TTYH3: variants seen among roughly 807,000 people sequenced by gnomAD.
TTYH3 encodes protein tweety homolog 3.
Under a neutral mutation model 68.2 loss-of-function variants are expected in TTYH3, and 23 were observed. That is an observed-to-expected ratio of 0.34 (90% CI 0.24 to 0.48). TTYH3 has a LOEUF of 0.48. Ranked by LOEUF, TTYH3 falls within the 20% of genes least tolerant of loss-of-function variation. The probability of loss-of-function intolerance (pLI) is 0.99; values close to 1 mark genes in which losing one functional copy is unlikely to be tolerated. For missense variants in TTYH3, 768 were observed against 727.7 expected, an observed-to-expected ratio of 1.06 and a Z score of -0.64; for synonymous variants, 360 against 332.8, an observed-to-expected ratio of 1.08 and a Z score of -0.89.
At chr7:2,643,873 C>G (rs1171699861) in intron 1 of TTYH3, among the ~76,000 whole-genome samples, 1 of 152,202 alleles carries the variant, frequency 6.6e-6, no homozygotes. Context: ...TCCCCAGCTC[C>G]TCACCCCAGG....
chr7:2,657,635 G>A (rs189986554), intron 11 of TTYH3, among the ~76,000 whole-genome samples: 5 of 152,284 alleles, frequency 3.3e-5, no homozygotes, highest in African/African-American at 7.2e-5. Context: ...TAACCACCCT[G>A]GGCCTCAATT....
At chr7:2,654,738 A>G (rs1212953065) in intron 9 of TTYH3, among the ~76,000 whole-genome samples, 1 of 152,078 alleles carries the variant, frequency 6.6e-6, no homozygotes, top group Non-Finnish European at 1.5e-5. Context: ...TCACAGGACC[A>G]TCCCTCTGTG....
intron 1 of TTYH3, among the ~76,000 whole-genome samples, chr7:2,641,797 C>T (rs1052573499): frequency 1.3e-5 from 2 of 152,108 alleles, no homozygotes; most frequent in South Asian, 4.1e-4. Flanking sequence ...AGGCTGGCCA[C>T]GGCACGCTCC....
chr7:2,651,505 C>T (rs1036223840), intron 7 of TTYH3, among the ~76,000 whole-genome samples: 2 of 152,188 alleles, frequency 1.3e-5, no homozygotes, highest in African/African-American at 4.8e-5. Context: ...TCATCCTGGT[C>T]CCTCCAGGTC....
intron 9 of TTYH3, 126 bp from the exon 10 acceptor site, chr7:2,655,966 T>C (rs935148954): frequency 4.3e-5 from 31 of 714,654 alleles, no homozygotes; most frequent in Non-Finnish European, 5.7e-5. Flanking sequence ...GACCCCAGGG[T>C]GGGGGGTATC....
intron 1 of TTYH3, among the ~76,000 whole-genome samples, chr7:2,643,772 C>G (rs1785913956): frequency 6.6e-6 from 1 of 152,082 alleles, no homozygotes; most frequent in African/African-American, 2.4e-5. Flanking sequence ...ATGCCCCGAG[C>G]TCTGGGTGGA....
intron 7 of TTYH3, 119 bp from the exon 8 acceptor site, chr7:2,652,068 C>A: frequency 2.5e-6 from 2 of 815,432 alleles, no homozygotes; most frequent in Non-Finnish European, 2.1e-6. Context: ...GACACACATG[C>A]ACACATGTAA....
intron 3 of TTYH3, 70 bp downstream of exon 3, chr7:2,647,323 G>A: frequency 6.6e-7 from 1 of 1,519,552 alleles, no homozygotes; most frequent in Non-Finnish European, 8.8e-7. Flanking sequence ...CGCGAGGACG[G>A]GCGGGGCAGC....
intron 7 of TTYH3, among the ~76,000 whole-genome samples, chr7:2,651,138 C>T (rs959113471): frequency 1.3e-5 from 2 of 151,996 alleles, no homozygotes; most frequent in Non-Finnish European, 2.9e-5. Context: ...ATCGGGGTGC[C>T]GTCAGTGTGT....
At chr7:2,637,419 C>T (rs1173296906) in intron 1 of TTYH3, among the ~76,000 whole-genome samples, 1 of 152,068 alleles carries the variant, frequency 6.6e-6, no homozygotes, top group Non-Finnish European at 1.5e-5. Flanking sequence ...ACTGTGTCCC[C>T]GACATAAGCA....
chr7:2,640,942 G>C (rs894993560), intron 1 of TTYH3, among the ~76,000 whole-genome samples: 4 of 152,250 alleles, frequency 2.6e-5, no homozygotes, highest in African/African-American at 7.2e-5. Context: ...CAGAGCAAAG[G>C]CTGCAGCACC....
intron 1 of TTYH3, among the ~76,000 whole-genome samples, chr7:2,634,733 C>T (rs538199146): frequency 1.3e-4 from 20 of 152,286 alleles, no homozygotes; most frequent in African/African-American, 4.6e-4. Flanking sequence ...GTGGGACTGC[C>T]TGTCACTAGT....
chr7:2,633,565 T>A (rs918076998), intron 1 of TTYH3, among the ~76,000 whole-genome samples: 2 of 152,190 alleles, frequency 1.3e-5, no homozygotes, highest in African/African-American at 4.8e-5. Context: ...CACGCCTGCG[T>A]TCTAGAAGCC....
intron 1 of TTYH3, among the ~76,000 whole-genome samples, chr7:2,641,477 C>T (rs539101164): frequency 1.6e-4 from 25 of 152,286 alleles, no homozygotes; most frequent in African/African-American, 4.6e-4. Context: ...GGGGTCGCCC[C>T]CAGCCCCCTT....
At chr7:2,649,311 G>C (rs1038144548) in intron 5 of TTYH3, among the ~76,000 whole-genome samples, 6 of 152,208 alleles carry the variant, frequency 3.9e-5, no homozygotes, top group Non-Finnish European at 8.8e-5. Flanking sequence ...AGGAGGGGCG[G>C]GGCCCCAAGA....
chr7:2,660,333 C>T (rs1583578884), intron 13 of TTYH3: 6 of 985,426 alleles, frequency 6.1e-6, no homozygotes, highest in Non-Finnish European at 1.2e-6. Context: ...CCTTCTGTCA[C>T]CTCCCAGTGA....
In TTYH3 at chr7:2,663,668, G is replaced by A. The variant is rs1490136362; in HGVS notation, c.*1929G>A. On this transcript the variant is annotated 3_prime_UTR_variant, in exon 14 of 14. Coordinates refer to ENST00000258796, the MANE Select transcript of TTYH3 (RefSeq NM_025250.3). ...GAGAGAGGCCCTGGCACCCTGGCGT[G>A]GGTGCCCGCCAAACGCCCTGCGACC... The A allele has an allele frequency of 6.6e-6, 1 of 152,664 alleles. No individual in the cohort carries two copies. The highest frequency in any genetic ancestry group is 2.4e-5 in the African/African-American group (1 of 41,472). The allele number at this position is 152,664 out of a possible 1,614,324, so 9.5% of individuals were successfully genotyped here.
At chr7:2,649,740 C>T (rs1197669214) in intron 6 of TTYH3, 101 bp downstream of exon 6, 2 of 1,496,696 alleles carry the variant, frequency 1.3e-6, no homozygotes, top group South Asian at 1.2e-5. Flanking sequence ...TTCCCGGGCA[C>T]TGGGTCCCGA....
chr7:2,644,093 C>G (rs1367592269), intron 1 of TTYH3, among the ~76,000 whole-genome samples: 4 of 152,148 alleles, frequency 2.6e-5, no homozygotes, highest in African/African-American at 7.2e-5. Flanking sequence ...GTTGACATGG[C>G]CCCCAGGCCA....
Sources: allele counts gnomAD v4.1 joint callset (sites outside exome capture counted in the v4.1 genomes callset), GRCh38; gene constraint gnomAD v4.1.1; transcripts MANE v1.5; gene names NCBI Gene and HGNC (gene_info 2026-07-23, HGNC 2026-07-21).